NAV1: variants seen among roughly 807,000 people sequenced by gnomAD.
The protein encoded by NAV1 is neuron navigator 1.
NAV1 carries 18 observed loss-of-function variants against 175.2 expected under a neutral mutation model. The ratio of observed to expected loss-of-function variants is 0.10; its 90% CI spans 0.07 to 0.15. The LOEUF is 0.15. Among genes scored for constraint, NAV1 ranks in the 10% least tolerant of loss-of-function variants. The probability of loss-of-function intolerance (pLI) is 1.00; values close to 1 mark genes in which losing one functional copy is unlikely to be tolerated. For missense variants in NAV1, 1,731 were observed against 2,436.6 expected (o/e 0.71, Z 6.10); for synonymous variants, 897 against 978.7 (o/e 0.92, Z 1.56).
intron 13 of NAV1, 24 bp downstream of exon 17, chr1:201,790,790 G>A (rs1444028205): frequency 6.2e-7 from 1 of 1,612,400 alleles, no homozygotes; most frequent in Non-Finnish European, 8.5e-7. Flanking sequence ...AGTACGGAAA[G>A]ATCAAGGCAG....
chr1:201,615,085 T>C (rs1442155404), intron 2 of NAV1, among the ~76,000 whole-genome samples: 2 of 152,128 alleles, frequency 1.3e-5, no homozygotes, highest in African/African-American at 2.4e-5. Flanking sequence ...TGATACATCA[T>C]GTTCAGGGGC....
rs1298675977 is a variant in NAV1, at chr1:201,770,487, CTCTCATCTTAACAACAA to C, written c.1227-9933_1227-9917del. ...AATCGTATAGTGTCCTACACTATCA[CTCTCATCTTAACAACAA>C]GGCTAAGCTGGATAAGCAACAAACA... On this transcript the variant is annotated intron_variant, in intron 3 of 29. Coordinates refer to ENST00000367296, the Ensembl canonical transcript of NAV1. Among the ~76,000 whole-genome samples the C allele has an allele frequency of 1.1e-3, 171 of 152,338 alleles. 2 individuals are homozygous for C. Among genetic ancestry groups the C allele is most frequent in the African/African-American group, 3.9e-3 (161 of 41,578 alleles).
intron 2 of NAV1, among the ~76,000 whole-genome samples, chr1:201,615,267 C>CTT (rs949162841): frequency 5.3e-4 from 75 of 142,020 alleles, no homozygotes; most frequent in South Asian, 2.9e-3. Context: ...TTCTTTCTTT[C>CTT]TTTTTTTTTT....
chr1:201,783,744 C>G (rs1676502837), exon 7 of NAV1: 3 of 1,614,060 alleles, frequency 1.9e-6, no homozygotes, highest in Non-Finnish European at 2.5e-6. Context: ...AGTGCCTTCC[C>G]CAGCAGTACT....
intron 2 of NAV1, among the ~76,000 whole-genome samples, chr1:201,592,565 GGA>G (rs1016394939): frequency 1.3e-5 from 2 of 152,186 alleles, no homozygotes; most frequent in African/African-American, 2.4e-5. Context: ...CATGTAAGGT[GGA>G]GAGAGTGTCA....
At position 201,808,380 on chromosome 1, in the gene NAV1, T is replaced by G; in HGVS notation, c.3846-38T>G. 6.3e-7 allele frequency: 1 copy of G among 1,579,592 alleles called. No homozygotes were observed. Among genetic ancestry groups the G allele is most frequent in the East Asian group, 2.2e-5 (1 of 44,586 alleles). On this transcript the variant is annotated intron_variant, in intron 18 of 29. Coordinates refer to ENST00000367296, the Ensembl canonical transcript of NAV1. This position sits in a 1 kb window ranked among gnomAD's most constrained non-coding sequence, Gnocchi z 5.5. ...AATATTCTCTAGTAACTCTAGTGCT[T>G]CTTCATGTAGCCTGGCTTGACTCTT...
intron 3 of NAV1, among the ~76,000 whole-genome samples, chr1:201,733,960 G>T (rs551469204): frequency 6.6e-6 from 1 of 152,180 alleles, no homozygotes; most frequent in Non-Finnish European, 1.5e-5. Context: ...TTTGCAAAGG[G>T]TCTGTCTGGC....
exon 2 of NAV1, chr1:201,629,450 C>T (rs894520506): frequency 1.5e-6 from 2 of 1,304,304 alleles, no homozygotes; most frequent in Non-Finnish European, 2.0e-6. Context: ...GGGCAGCTGG[C>T]CCCTTGATGG....
At chr1:201,547,231 C>T (rs1204461787) in intron 1 of NAV1, among the ~76,000 whole-genome samples, 1 of 152,066 alleles carries the variant, frequency 6.6e-6, no homozygotes, top group Non-Finnish European at 1.5e-5. Context: ...TCAGGTGATA[C>T]GCCCACCTCG....
chr1:201,681,101 T>A (rs1172494931), intron 1 of NAV1, among the ~76,000 whole-genome samples: 1 of 152,160 alleles, frequency 6.6e-6, no homozygotes, highest in African/African-American at 2.4e-5. Flanking sequence ...GCCTTCCTAA[T>A]GCACAGCTGA....
intron 24 of NAV1, among the ~76,000 whole-genome samples, chr1:201,811,218 GTACATAT>G (rs1678673789): frequency 6.6e-6 from 1 of 152,050 alleles, no homozygotes; most frequent in African/African-American, 2.4e-5. Context: ...GAATTAAATG[GTACATAT>G]TACACCCTCC....
chr1:201,804,796 A>T (rs1196651277), intron 17 of NAV1, among the ~76,000 whole-genome samples: 1 of 152,194 alleles, frequency 6.6e-6, no homozygotes, highest in Non-Finnish European at 1.5e-5. Flanking sequence ...TGTTATAAAA[A>T]GCAGTCAAAT....
chr1:201,584,607 T>C (rs1337446262), intron 1 of NAV1, among the ~76,000 whole-genome samples: 1 of 152,208 alleles, frequency 6.6e-6, no homozygotes, highest in Non-Finnish European at 1.5e-5. Flanking sequence ...TTCCAGCTTG[T>C]GATGTGCCTG....
intron 15 of NAV1, among the ~76,000 whole-genome samples, chr1:201,800,226 C>T (rs1002770021): frequency 3.3e-5 from 5 of 152,172 alleles, no homozygotes; most frequent in Non-Finnish European, 5.9e-5. Context: ...GTCTCAAACT[C>T]CTGGACTCAA....
rs79410663 is a variant in NAV1 at position 201,738,364 on chromosome 1, C to T, written c.1226+19609C>T. 3.4e-4 allele frequency among the ~76,000 whole-genome samples: 52 copies of T among 152,218 alleles called. No homozygotes were observed. In the East Asian group the frequency reaches 0.01, roughly 29 times the overall value. On this transcript the variant is annotated intron_variant, in intron 3 of 29. Transcript: ENST00000367296. ...GACCCTTCCTCCAACTTAAACTGTT[C>T]CATTCTCCAGAAACAGAGGTCCCTC... is the stretch of plus-strand genomic sequence containing the variant.
chr1:201,764,897 C>A (rs1444197335), intron 3 of NAV1, among the ~76,000 whole-genome samples: 2 of 152,218 alleles, frequency 1.3e-5, no homozygotes, highest in Non-Finnish European at 2.9e-5. Context: ...GAAGAACAAG[C>A]ACAGAAATGC....
chr1:201,668,308 C>T (rs941855207), intron 1 of NAV1, among the ~76,000 whole-genome samples: 4 of 152,144 alleles, frequency 2.6e-5, no homozygotes, highest in Non-Finnish European at 2.9e-5. Context: ...AGGCTTTGTA[C>T]TCAAACGGGA....
intron 2 of NAV1, among the ~76,000 whole-genome samples, chr1:201,632,724 C>T (rs1225320613): frequency 6.6e-6 from 1 of 152,202 alleles, no homozygotes; most frequent in Non-Finnish European, 1.5e-5. Context: ...CCAGAGCCTC[C>T]TCCCTGCCTC....
intron 16 of NAV1, 91 bp downstream of exon 20, chr1:201,803,805 C>A: frequency 6.7e-7 from 1 of 1,490,972 alleles, no homozygotes; most frequent in East Asian, 2.4e-5. Context: ...CAGGATTAAC[C>A]AAGGTGTAGT....
Sources: allele counts gnomAD v4.1 joint callset (sites outside exome capture counted in the v4.1 genomes callset), GRCh38; gene constraint gnomAD v4.1.1; non-coding constraint Gnocchi (gnomAD v3.1); transcripts MANE v1.5; gene names NCBI Gene and HGNC (gene_info 2026-07-23, HGNC 2026-07-21).